UPF3A: variants seen among roughly 807,000 people sequenced by gnomAD.
UPF3A encodes the protein UPF3A regulator of nonsense mediated mRNA decay, also known as regulator of nonsense transcripts 3A.
UPF3A carries 42 observed loss-of-function variants against 53.5 expected under a neutral mutation model. That is an observed-to-expected ratio of 0.78 (90% confidence interval 0.61 to 1.01). The LOEUF is 1.01. UPF3A is among the 50% of genes least tolerant of loss of function. The pLI is 0.00. For missense variants in UPF3A, 575 were observed against 598.0 expected, an observed-to-expected ratio of 0.96 and a Z score of 0.40; for synonymous variants, 237 against 225.3, an observed-to-expected ratio of 1.05 and a Z score of -0.47.
chr13:114,288,999 T>C (rs1395853969), intron 5 of UPF3A, among the ~76,000 whole-genome samples: 1 of 152,152 alleles, frequency 6.6e-6, no homozygotes, highest in African/African-American at 2.4e-5. Context: ...AGGGCTGTTT[T>C]GAGACATACC....
chr13:114,293,690 T>C (rs758135037), intron 7 of UPF3A, among the ~76,000 whole-genome samples: 2 of 152,160 alleles, frequency 1.3e-5, no homozygotes, highest in Non-Finnish European at 2.9e-5. Flanking sequence ...ATTTATTGAA[T>C]ACCTTATATT....
chr13:114,302,525 A>G (rs1208653818), intron 9 of UPF3A, among the ~76,000 whole-genome samples: 1 of 152,036 alleles, frequency 6.6e-6, no homozygotes, highest in African/African-American at 2.4e-5. Context: ...TTCCCAGCGC[A>G]GCACTACAGA....
In UPF3A at chr13:114,295,321, C is replaced by T. The variant is rs529597340; in HGVS notation, c.847-3519C>T. Among the ~76,000 whole-genome samples the T allele has an allele frequency of 4.3e-5, 6 of 140,722 alleles. No homozygotes were observed. The East Asian group carries it at 6.7e-4, about 16-fold the overall frequency. The allele number at this position is 140,722 out of a possible 152,430, so 92.3% of individuals were successfully genotyped here. On this transcript the variant is annotated intron_variant, in intron 7 of 9. Coordinates refer to ENST00000375299, the MANE Select transcript of UPF3A (RefSeq NM_023011.4). Reference sequence around the variant, plus strand: ...GGCAGAGCTGGCCTGCTCCCCAGCTCGTCTCCAGCAGCTCTGGCCTGCTCC... The same window carrying T: ...GGCAGAGCTGGCCTGCTCCCCAGCTTGTCTCCAGCAGCTCTGGCCTGCTCC...
intron 5 of UPF3A, among the ~76,000 whole-genome samples, chr13:114,289,573 T>C (rs949736282): frequency 1.3e-5 from 2 of 152,052 alleles, no homozygotes; most frequent in African/African-American, 4.8e-5. Context: ...ATTACCTTTT[T>C]CTTTTCTAAG....
At position 114,305,291 on chromosome 13, in the gene UPF3A, C is replaced by T. The variant is rs1484313948; in HGVS notation, c.*374C>T. 3 of 270,796 alleles carry T rather than the reference C, an allele frequency of 1.1e-5. No individual in the cohort carries two copies. The highest frequency in any genetic ancestry group is 1.0e-4 in the East Asian group (1 of 9,764). 16.8% of individuals were successfully genotyped at this position (270,796 alleles called of 1,614,324 possible). A position where few individuals can be genotyped will look rare whatever the true frequency, so the allele number is the denominator to read the frequency against. Reference sequence around the variant, plus strand: ...AACGACATCCACTTTGGGTTTCATTCGTTTGTAAGCAGAGGAGCTGTCAGT... The same window carrying T: ...AACGACATCCACTTTGGGTTTCATTTGTTTGTAAGCAGAGGAGCTGTCAGT... On this transcript the variant is annotated 3_prime_UTR_variant, in exon 10 of 10. Coordinates refer to ENST00000375299, the MANE Select transcript of UPF3A (RefSeq NM_023011.4).
intron 7 of UPF3A, among the ~76,000 whole-genome samples, chr13:114,292,963 T>G (rs1006293902): frequency 1.3e-5 from 2 of 150,076 alleles, no homozygotes; most frequent in Non-Finnish European, 2.9e-5. Context: ...TCCCAGCTAC[T>G]CAGGAGGCTG....
intron 3 of UPF3A, 73 bp downstream of exon 3, chr13:114,283,016 G>A: frequency 8.5e-7 from 1 of 1,175,494 alleles, no homozygotes; most frequent in Non-Finnish European, 1.2e-6. Context: ...GAATATTCGT[G>A]CTTTTTAAAT....
At chr13:114,282,414 C>G in intron 2 of UPF3A, 1 of 1,204,150 alleles carries the variant, frequency 8.3e-7, no homozygotes, top group Non-Finnish European at 1.0e-6. Flanking sequence ...CCGGCGCCTC[C>G]CGGGCTTCCC....
intron 5 of UPF3A, among the ~76,000 whole-genome samples, chr13:114,290,528 C>T (rs2085167603): frequency 6.6e-6 from 1 of 152,096 alleles, no homozygotes; most frequent in African/African-American, 2.4e-5. Context: ...GGGGCCTGTC[C>T]ATGTCAGCGC....
At chr13:114,295,736 G>A (rs2085914041) in intron 7 of UPF3A, among the ~76,000 whole-genome samples, 5 of 152,176 alleles carry the variant, frequency 3.3e-5, no homozygotes, top group Non-Finnish European at 5.9e-5. Flanking sequence ...GCCTCAGGTG[G>A]TGCATCAGGC....
At chr13:114,284,134 C>G in intron 3 of UPF3A, 1 of 929,286 alleles carries the variant, frequency 1.1e-6, no homozygotes, top group Non-Finnish European at 1.3e-6. Flanking sequence ...GAGGCCAAGG[C>G]GGGTGGATCA....
intron 7 of UPF3A, among the ~76,000 whole-genome samples, chr13:114,294,621 C>G (rs570780589): frequency 6.6e-6 from 1 of 152,078 alleles, no homozygotes; most frequent in African/African-American, 2.4e-5. Context: ...GTCAGGAGAT[C>G]GAGACCATCC....
At chr13:114,302,133 T>G (rs189509504) in intron 9 of UPF3A, 108 bp downstream of exon 9, 1 of 1,131,516 alleles carries the variant, frequency 8.8e-7, no homozygotes, top group African/African-American at 1.6e-5. Context: ...AACGCAGTGC[T>G]TTGAGCATTT....
Position 114,304,898 on chromosome 13 carries a change from A to G in UPF3A, c.1412A>G (p.Lys471Arg), listed in dbSNP as rs759642355. Residue 471 changes from lysine (K) to arginine (R), a missense_variant, in exon 10 of 10, where the codon AAG becomes AGG. This residue lies in a region of UPF3A where 323 missense variants were observed against 415.2 expected (regional missense o/e 0.78). Coordinates refer to ENST00000375299, the MANE Select transcript of UPF3A (RefSeq NM_023011.4). ...GAAGGTTCGGGGACTGGTCCTGAGA[A>G]GAGGGAAGAGGCAGAGTGAGTCACT... The part of the protein sequence containing the change: ...KAEGSGTGPE[K>R]REEAE 12 of 1,613,324 alleles carry G rather than the reference A, an allele frequency of 7.4e-6. No homozygotes were observed. Among genetic ancestry groups the G allele is most frequent in the African/African-American group, 5.3e-5 (4 of 74,894 alleles).
intron 7 of UPF3A, among the ~76,000 whole-genome samples, chr13:114,292,579 G>A (rs548347206): frequency 9.3e-5 from 14 of 150,492 alleles, no homozygotes; most frequent in East Asian, 2.0e-4. Context: ...AGGCGTACAC[G>A]TGCAGGTGTG....
rs557499172 is a variant in UPF3A at position 114,301,356 on chromosome 13, G to T, written c.1008-375G>T. Among the ~76,000 whole-genome samples the T allele has an allele frequency of 2.0e-4, 31 of 151,948 alleles. No individual in the cohort carries two copies. In the East Asian group the frequency reaches 5.9e-3, roughly 29 times the overall value. The stretch of plus-strand genomic sequence containing the variant: ...CGGGCACCTGTAGTCCCAGCTACTC[G>T]GGAGGCTGAGGCAGGAGGATGGTGT... On this transcript the variant is annotated intron_variant, in intron 8 of 9. Transcript: ENST00000375299.
At position 114,282,103 on chromosome 13, in the gene UPF3A, T is replaced by TGA; in HGVS notation, c.290_291insGA (p.Phe97LeufsTer9). On this transcript the variant is annotated frameshift_variant, in exon 2 of 10. Transcript: ENST00000375299. LOFTEE classifies it high-confidence loss of function. ...CGCCCGCTGCCAGCACACGACTACT[T>TGA]CGAGTTCTTCGCCGCCGACCTGAGG... is the stretch of plus-strand genomic sequence containing the variant. 6.4e-7 allele frequency: 1 copy of TGA among 1,573,158 alleles called. No homozygotes were observed. Among genetic ancestry groups the TGA allele is most frequent in the Non-Finnish European group, 8.6e-7 (1 of 1,160,366 alleles).
At chr13:114,282,208 T>G in intron 2 of UPF3A, 81 bp downstream of exon 2, 1 of 1,202,082 alleles carries the variant, frequency 8.3e-7, no homozygotes, top group Non-Finnish European at 1.1e-6. Context: ...CTTACGTTCC[T>G]TACCCTGATT....
chr13:114,284,187 C>T lies in UPF3A; in HGVS notation c.421+1244C>T, dbSNP rs951973957. Reference sequence around the variant, plus strand: ...GACCGGCCTGAGCAACAACGTGAAACCCTGTCTCTACTAAAAATACAAAAA... The same window carrying T: ...GACCGGCCTGAGCAACAACGTGAAATCCTGTCTCTACTAAAAATACAAAAA... On this transcript the variant is annotated intron_variant, in intron 3 of 9. Transcript: ENST00000375299. 6.4e-6 allele frequency: 3 copies of T among 471,786 alleles called. No individual in the cohort carries two copies. The African/African-American group carries it at 6.4e-5, about 10-fold the overall frequency. The allele number at this position is 471,786 out of a possible 1,614,324, so 29.2% of individuals were successfully genotyped here.
Sources: gnomAD v4.1 joint callset for allele counts (sites outside exome capture counted in the v4.1 genomes callset) on GRCh38, gnomAD v4.1.1 for gene constraint, gnomAD v4.1.1 regional missense constraint, MANE v1.5 for transcripts, NCBI Gene and HGNC (gene_info 2026-07-23, HGNC 2026-07-21) for gene names.